The following ARHGAP26 variants were observed in gnomAD, a reference collection of about 807,000 sequenced individuals.
ARHGAP26 encodes the protein Rho GTPase activating protein 26.
In ARHGAP26, 38 loss-of-function variants were observed where a neutral mutation model predicts 104.8. That is an observed-to-expected ratio of 0.36 (90% CI 0.28 to 0.48). The LOEUF (loss-of-function observed/expected upper bound fraction) is 0.48. ARHGAP26 is among the 20% of genes least tolerant of loss of function. ARHGAP26 has a pLI of 0.99. For missense variants in ARHGAP26, 704 were observed against 947.9 expected (o/e 0.74, Z 3.38); for synonymous variants, 341 against 340.0 (o/e 1.00, Z -0.03).
At chr5:143,008,127 CAT>C (rs1484757986) in intron 11 of ARHGAP26, among the ~76,000 whole-genome samples, 1 of 152,152 alleles carries the variant, frequency 6.6e-6, no homozygotes, top group Non-Finnish European at 1.5e-5. Flanking sequence ...TTCAATAGGC[CAT>C]AGAATTTACA....
At chr5:142,962,489 G>A (rs1770422069) in intron 11 of ARHGAP26, among the ~76,000 whole-genome samples, 1 of 152,188 alleles carries the variant, frequency 6.6e-6, no homozygotes. Flanking sequence ...ATAATAATAT[G>A]ATAACGGATA....
At position 143,222,286 on chromosome 5, in the gene ARHGAP26, C is replaced by A. The variant is rs1037832729; in HGVS notation, c.2192-72C>A. On this transcript the variant is annotated intron_variant, in intron 22 of 22. Transcript: ENST00000645722. ...ACACACACACACACACACACACACC[C>A]CACACACACATCTGCCGCCTGCTCT... is the stretch of plus-strand genomic sequence containing the variant. The A allele has an allele frequency of 1.5e-4, 144 of 965,676 alleles. 1 individual carries two copies. In the South Asian group the frequency reaches 2.4e-3, roughly 16 times the overall value. 59.8% of individuals were successfully genotyped at this position (965,676 alleles called of 1,614,324 possible).
At chr5:142,997,399 T>C (rs925303433) in intron 11 of ARHGAP26, among the ~76,000 whole-genome samples, 3 of 152,046 alleles carry the variant, frequency 2.0e-5, no homozygotes, top group Admixed American at 6.6e-5. Context: ...AATATCATTT[T>C]CCTTTTTCTT....
intron 19 of ARHGAP26, among the ~76,000 whole-genome samples, chr5:143,138,160 T>G (rs1798109063): frequency 6.6e-6 from 1 of 152,252 alleles, no homozygotes; most frequent in African/African-American, 2.4e-5. Flanking sequence ...GTGTTTTGTT[T>G]TGTTTTGTTT....
chr5:143,131,243 T>A (rs1173844779), intron 18 of ARHGAP26, among the ~76,000 whole-genome samples: 3 of 152,240 alleles, frequency 2.0e-5, no homozygotes, highest in Admixed American at 6.5e-5. Context: ...CCATGGTCCT[T>A]CCTCACCAGT....
intron 1 of ARHGAP26, among the ~76,000 whole-genome samples, chr5:142,783,246 A>G (rs1299302266): frequency 6.6e-6 from 1 of 152,240 alleles, no homozygotes; most frequent in Non-Finnish European, 1.5e-5. Flanking sequence ...AAGTTCTAGC[A>G]GCTTGAGAAC....
chr5:143,014,141 T>TCTG (rs1779268771), intron 12 of ARHGAP26, 25 bp downstream of exon 12: 1 of 1,613,786 alleles, frequency 6.2e-7, no homozygotes, highest in South Asian at 1.1e-5. Context: ...TGGGTAACCT[T>TCTG]CTACAGCCAG....
chr5:143,139,710 G>A (rs952385395), intron 19 of ARHGAP26, among the ~76,000 whole-genome samples: 3 of 152,114 alleles, frequency 2.0e-5, no homozygotes, highest in Non-Finnish European at 2.9e-5. Context: ...GATCACCTTC[G>A]AACAGATGGA....
intron 11 of ARHGAP26, among the ~76,000 whole-genome samples, chr5:142,952,627 C>T (rs1052858948): frequency 6.6e-6 from 1 of 152,104 alleles, no homozygotes; most frequent in African/African-American, 2.4e-5. Context: ...TTCAAAGGTA[C>T]TTATATTTAC....
intron 11 of ARHGAP26, among the ~76,000 whole-genome samples, chr5:142,960,481 C>T (rs867025671): frequency 2.6e-5 from 4 of 152,184 alleles, no homozygotes; most frequent in Non-Finnish European, 4.4e-5. Context: ...CGTGAATCAT[C>T]CCTTTGTCCA....
intron 5 of ARHGAP26, among the ~76,000 whole-genome samples, chr5:142,886,864 G>A (rs973487698): frequency 6.6e-6 from 1 of 152,138 alleles, no homozygotes; most frequent in Non-Finnish European, 1.5e-5. Flanking sequence ...TGACTTTTTA[G>A]TTATTCTTCT....
chr5:142,831,145 T>C lies in ARHGAP26; in HGVS notation c.155-42255T>C, dbSNP rs866898271. On this transcript the variant is annotated intron_variant, in intron 1 of 22. Transcript: ENST00000645722. ...TTCTTTCTTGCTTTCTGTGGTTCCC[T>C]GATTTGCTGTCTCCACCCTGTTGAG... is the stretch of plus-strand genomic sequence containing the variant. Among the ~76,000 whole-genome samples, 6 of 152,330 alleles carry C rather than the reference T, an allele frequency of 3.9e-5. No homozygotes were observed. The South Asian group carries it at 1.2e-3, about 32-fold the overall frequency.
At chr5:142,953,796 A>AC (rs1465764379) in intron 11 of ARHGAP26, among the ~76,000 whole-genome samples, 1 of 152,142 alleles carries the variant, frequency 6.6e-6, no homozygotes, top group African/African-American at 2.4e-5. Flanking sequence ...ACTTGGTATT[A>AC]CCTCTGCCTG....
chr5:142,902,584 C>T (rs982160518), intron 7 of ARHGAP26, among the ~76,000 whole-genome samples: 1 of 152,228 alleles, frequency 6.6e-6, no homozygotes, highest in African/African-American at 2.4e-5. Flanking sequence ...CTGCGTAGGG[C>T]TTTTTGGTTA....
chr5:143,092,219 A>C (rs773359381), intron 17 of ARHGAP26, among the ~76,000 whole-genome samples: 3 of 137,882 alleles, frequency 2.2e-5, no homozygotes, highest in Non-Finnish European at 4.5e-5. Flanking sequence ...GCTGGAGTGC[A>C]GTGGCACGAT....
intron 4 of ARHGAP26, among the ~76,000 whole-genome samples, chr5:142,883,102 G>A (rs1215936502): frequency 1.3e-5 from 2 of 152,222 alleles, no homozygotes; most frequent in East Asian, 1.9e-4. Flanking sequence ...GGACAGAAAC[G>A]GCTTCCCTTT....
intron 11 of ARHGAP26, 121 bp from the exon 12 acceptor site, chr5:143,013,959 A>G (rs764147074): frequency 1.5e-5 from 14 of 927,520 alleles, no homozygotes; most frequent in Non-Finnish European, 2.2e-5. Flanking sequence ...TTTGGGAGCC[A>G]GAAATTACCT....
chr5:142,829,347 G>C (rs1767939871), intron 1 of ARHGAP26, among the ~76,000 whole-genome samples: 1 of 152,156 alleles, frequency 6.6e-6, no homozygotes, highest in Admixed American at 6.5e-5. Context: ...TGTCACACAG[G>C]TCTCTTTGAA....
At chr5:143,161,259 G>A (rs562006277) in intron 20 of ARHGAP26, among the ~76,000 whole-genome samples, 267 of 151,906 alleles carry the variant, frequency 1.8e-3, no homozygotes, top group African/African-American at 3.9e-3. Context: ...TGATCCACCC[G>A]TCTTGGCCTC....
Sources: allele counts gnomAD v4.1 joint callset (sites outside exome capture counted in the v4.1 genomes callset), GRCh38; gene constraint gnomAD v4.1.1; transcripts MANE v1.5; gene names NCBI Gene and HGNC (gene_info 2026-07-23, HGNC 2026-07-21).